SYCP2L: variants seen among roughly 807,000 people sequenced by gnomAD.
SYCP2L encodes the protein synaptonemal complex protein 2 like.
A neutral mutation model predicts 125.8 loss-of-function variants in SYCP2L; 98 were observed. The observed-to-expected ratio is 0.78, with a 90% CI of 0.66 to 0.92. The LOEUF (loss-of-function observed/expected upper bound fraction) is 0.92, where lower values mean the gene tolerates loss of function less well. SYCP2L is among the 40% of genes least tolerant of loss of function. SYCP2L has a pLI of 0.00. For synonymous variants in SYCP2L, 317 were observed against 325.4 expected, an observed-to-expected ratio of 0.97 and a Z score of 0.28; for missense variants, 842 against 936.4, an observed-to-expected ratio of 0.90 and a Z score of 1.32.
rs530196062 is a variant in SYCP2L at position 10,890,853 on chromosome 6, T to C, written c.10-660T>C. ...TTTTAGTTTATTTTGAGTTGATTTT[T>C]GTATATGGTGAGACATGGGATCTGG... is the stretch of plus-strand genomic sequence containing the variant. On this transcript the variant is annotated intron_variant, in intron 1 of 29. Transcript: ENST00000283141. Among the ~76,000 whole-genome samples the C allele has an allele frequency of 1.4e-4, 21 of 152,304 alleles. No individual in the cohort carries two copies. In the South Asian group the frequency reaches 4.3e-3, roughly 32 times the overall value.
At position 10,911,387 on chromosome 6, in the gene SYCP2L, C is replaced by T. The variant is rs147855904; in HGVS notation, c.918+518C>T. ...CTTCATATAAAAGGGCCCTAACCTA[C>T]AGCATCTCAGTTTCAGGCTAAAATA... On this transcript the variant is annotated intron_variant, in intron 12 of 29. Transcript: ENST00000283141. Among the ~76,000 whole-genome samples, 90 of 152,296 alleles carry T rather than the reference C, an allele frequency of 5.9e-4. 1 individual carries two copies. In the East Asian group the frequency reaches 0.016, roughly 27 times the overall value.
chr6:10,927,266 G>T lies in SYCP2L; in HGVS notation c.1339G>T (p.Val447Leu). Residue 447 changes from valine (V) to leucine (L), a missense_variant, in exon 17 of 30, where the codon GTG becomes TTG. Transcript: ENST00000283141. ...GCAGGCAGAAGAATCCACTAACATG[G>T]TGGAGTTTATGAGTGCTGAAGATGA... ...TEQAEESTNM[V>L]EFMSAEDDRC... is the part of the protein sequence containing the mutation. The T allele has an allele frequency of 6.2e-7, 1 of 1,614,128 alleles. No homozygotes were observed. The highest frequency in any genetic ancestry group is 8.5e-7 in the Non-Finnish European group (1 of 1,180,012).
chr6:10,937,134 C>T (rs1233406988), intron 21 of SYCP2L, among the ~76,000 whole-genome samples: 1 of 152,204 alleles, frequency 6.6e-6, no homozygotes, highest in African/African-American at 2.4e-5. Flanking sequence ...CAGTGGAACA[C>T]TTATTCTTCT....
At chr6:10,909,655 A>G (rs963852981) in intron 10 of SYCP2L, among the ~76,000 whole-genome samples, 1 of 152,218 alleles carries the variant, frequency 6.6e-6, no homozygotes, top group Non-Finnish European at 1.5e-5. Flanking sequence ...CTTAGAACAT[A>G]TGCTAGGAGA....
intron 21 of SYCP2L, among the ~76,000 whole-genome samples, chr6:10,939,265 A>G (rs896751270): frequency 6.6e-6 from 1 of 152,244 alleles, no homozygotes; most frequent in Non-Finnish European, 1.5e-5. Flanking sequence ...TCCTATGTAC[A>G]TGGATTGGAA....
In SYCP2L at chr6:10,927,232, T is replaced by C; in HGVS notation, c.1313-8T>C. The C allele has an allele frequency of 6.2e-7, 1 of 1,613,492 alleles. No homozygotes were observed. Among genetic ancestry groups the C allele is most frequent in the Non-Finnish European group, 8.5e-7 (1 of 1,179,786 alleles). On this transcript the variant is annotated splice_polypyrimidine_tract_variant and splice_region_variant and intron_variant, in intron 16 of 29. Coordinates refer to ENST00000283141, the MANE Select transcript of SYCP2L (RefSeq NM_001040274.3). ...TTATTATATTAGTCTTTTTCTTAATTTGTATAGAGCAGGCAGAAGAATCCA... is the reference window on the plus strand; with the variant it reads ...TTATTATATTAGTCTTTTTCTTAATCTGTATAGAGCAGGCAGAAGAATCCA...
intron 5 of SYCP2L, 151 bp from the exon 6 acceptor site, chr6:10,898,673 T>C: frequency 1.6e-6 from 1 of 619,278 alleles, no homozygotes; most frequent in South Asian, 1.7e-5. Context: ...AAGGAAGTGA[T>C]TAAGGCCCAG....
chr6:10,899,987 A>C (rs9467859), intron 6 of SYCP2L, among the ~76,000 whole-genome samples: 1,906 of 152,340 alleles, frequency 0.013, 43 homozygotes, highest in African/African-American at 0.043. Context: ...TATACTGCAT[A>C]TTTGAAAAAC....
At chr6:10,929,677 G>A (rs886921530) in intron 18 of SYCP2L, among the ~76,000 whole-genome samples, 6 of 152,204 alleles carry the variant, frequency 3.9e-5, no homozygotes, top group South Asian at 2.1e-4. Flanking sequence ...GCTCACACCC[G>A]TAATCCCAGC....
At chr6:10,913,056 G>A (rs1219151212) in intron 14 of SYCP2L, 129 bp downstream of exon 14, 27 of 766,358 alleles carry the variant, frequency 3.5e-5, no homozygotes, top group Non-Finnish European at 5.1e-5. Flanking sequence ...TGTATGGTAT[G>A]ATAGAAGGTG....
In SYCP2L at chr6:10,902,685, C is replaced by A; in HGVS notation, c.475C>A (p.Gln159Lys). Residue 159 changes from glutamine (Q) to lysine (K), a missense_variant, in exon 7 of 30, where the codon CAG becomes AAG. Physicochemically the swap from Gln to Lys is moderately conservative, Grantham distance 53. Coordinates refer to ENST00000283141, the MANE Select transcript of SYCP2L (RefSeq NM_001040274.3). ...ISRSSSEGKIQMLDSFLLSLG... is the reference protein window; with the variant it reads ...ISRSSSEGKIKMLDSFLLSLG... ...TGAAATTATACTTTCAGGGAAAATT[C>A]AGATGTTGGATTCCTTCCTACTTAG... The A allele has an allele frequency of 6.2e-7, 1 of 1,613,002 alleles. No homozygotes were observed. Among genetic ancestry groups the A allele is most frequent in the South Asian group, 1.1e-5 (1 of 90,764 alleles).
At chr6:10,969,131 T>G (rs1034659377) in intron 29 of SYCP2L, among the ~76,000 whole-genome samples, 8 of 152,346 alleles carry the variant, frequency 5.3e-5, no homozygotes, top group African/African-American at 1.9e-4. Context: ...TTCTTCAATT[T>G]AGAGGTCTAA....
intron 14 of SYCP2L, among the ~76,000 whole-genome samples, chr6:10,922,403 ATG>A (rs1439500480): frequency 2.0e-5 from 3 of 151,284 alleles, no homozygotes; most frequent in Admixed American, 6.6e-5. Context: ...TGTAGCCCTC[ATG>A]GTATTTCTTC....
At chr6:10,909,428 C>T (rs563449284) in intron 10 of SYCP2L, among the ~76,000 whole-genome samples, 12 of 152,192 alleles carry the variant, frequency 7.9e-5, no homozygotes, top group South Asian at 4.1e-4. Context: ...ACGTCCGGCC[C>T]GAATTGCTTT....
At chr6:10,946,651 A>G (rs925238102) in intron 23 of SYCP2L, among the ~76,000 whole-genome samples, 7 of 152,106 alleles carry the variant, frequency 4.6e-5, no homozygotes, top group East Asian at 3.8e-4. Context: ...AAATTATTCA[A>G]TTGCTTTTTG....
rs1444538846 is a variant in SYCP2L at position 10,973,982 on chromosome 6, C to T, written c.*68C>T. ...GCTGCCTGAAGACGAAGAGAAAGAGCAAGGTTATTGTTGGCTCAGGCCTTG... is the reference window on the plus strand; with the variant it reads ...GCTGCCTGAAGACGAAGAGAAAGAGTAAGGTTATTGTTGGCTCAGGCCTTG... On this transcript the variant is annotated 3_prime_UTR_variant, in exon 30 of 30. Transcript: ENST00000283141. 1 of 152,268 alleles carries T rather than the reference C, an allele frequency of 6.6e-6. No homozygotes were observed. Among genetic ancestry groups the T allele is most frequent in the African/African-American group, 2.4e-5 (1 of 41,462 alleles). 9.4% of individuals were successfully genotyped at this position (152,268 alleles called of 1,614,324 possible). A position where few individuals can be genotyped will look rare whatever the true frequency, so the allele number is the denominator to read the frequency against.
rs1402510121 is a variant in SYCP2L at position 10,918,211 on chromosome 6, AAAAG to A, written c.1072+5288_1072+5291del. Among the ~76,000 whole-genome samples, 3 of 151,812 alleles carry A rather than the reference AAAAG, an allele frequency of 2.0e-5. No homozygotes were observed. The East Asian group carries it at 5.8e-4, about 29-fold the overall frequency. Reference sequence around the variant, plus strand: ...AGACTCCATCTCAAAAAAAAAAAAAAAAAGAAAAGGAAAGAAAACCTGATGACAA... The same window carrying A: ...AGACTCCATCTCAAAAAAAAAAAAAAAAAAGGAAAGAAAACCTGATGACAA... On this transcript the variant is annotated intron_variant, in intron 14 of 29. Transcript: ENST00000283141.
chr6:10,910,786 T>G, intron 11 of SYCP2L, 38 bp from the exon 12 acceptor site: 1 of 1,609,244 alleles, frequency 6.2e-7, no homozygotes, highest in Non-Finnish European at 8.5e-7. Flanking sequence ...TTAAGATTCA[T>G]TCATGTTTTA....
intron 23 of SYCP2L, among the ~76,000 whole-genome samples, chr6:10,950,425 A>C (rs1233292980): frequency 1.3e-5 from 2 of 152,002 alleles, no homozygotes; most frequent in East Asian, 3.9e-4. Flanking sequence ...TTAGATTTAC[A>C]CTCAGATTTA....
Sources: allele counts gnomAD v4.1 joint callset (sites outside exome capture counted in the v4.1 genomes callset), GRCh38; gene constraint gnomAD v4.1.1; transcripts MANE v1.5; gene names NCBI Gene and HGNC (gene_info 2026-07-23, HGNC 2026-07-21).